NINL: variants seen among roughly 807,000 people sequenced by gnomAD.
The protein encoded by NINL is ninein-like protein.
A neutral mutation model predicts 160.3 loss-of-function variants in NINL; 153 were observed. The observed-to-expected ratio is 0.95, with a 90% CI of 0.84 to 1.09. The LOEUF is 1.09. NINL is among the 50% of genes least tolerant of loss of function. The pLI, the probability that NINL is intolerant of heterozygous loss-of-function variation, is 0.00. For synonymous variants in NINL, 800 were observed against 734.8 expected, an observed-to-expected ratio of 1.09 and a Z score of -1.43; for missense variants, 1,829 against 1,764.0, an observed-to-expected ratio of 1.04 and a Z score of -0.66.
At chr20:25,523,663 G>A (rs929903558) in intron 2 of NINL, among the ~76,000 whole-genome samples, 6 of 151,958 alleles carry the variant, frequency 3.9e-5, no homozygotes, top group African/African-American at 1.2e-4. Context: ...GTTTTTTTGA[G>A]ATGGAGTCTT....
At chr20:25,583,567 G>A (rs937084804) in intron 1 of NINL, among the ~76,000 whole-genome samples, 1 of 152,154 alleles carries the variant, frequency 6.6e-6, no homozygotes, top group South Asian at 2.1e-4. Flanking sequence ...ACAGTGTGGC[G>A]ATTCCTCAAG....
At chr20:25,466,783 G>C (rs2062924623) in intron 19 of NINL, among the ~76,000 whole-genome samples, 1 of 152,046 alleles carries the variant, frequency 6.6e-6, no homozygotes, top group Non-Finnish European at 1.5e-5. Context: ...CTGGGTGACA[G>C]AGTGATAATG....
In NINL at chr20:25,482,844, T is replaced by C. The variant is rs571248932; in HGVS notation, c.1678-744A>G. On this transcript the variant is annotated intron_variant, in intron 13 of 23. Transcript: ENST00000278886. Reference sequence around the variant, plus strand: ...TTTGAGACCAGCCTGGTCAACATGGTGAAACTCCATCTCTACTAAAAATAC... The same window carrying C: ...TTTGAGACCAGCCTGGTCAACATGGCGAAACTCCATCTCTACTAAAAATAC... Among the ~76,000 whole-genome samples, 18 of 150,248 alleles carry C rather than the reference T, an allele frequency of 1.2e-4. No individual in the cohort carries two copies. In the East Asian group the frequency reaches 3.7e-3, roughly 31 times the overall value.
chr20:25,512,958 T>C lies in NINL; in HGVS notation c.326A>G (p.Tyr109Cys). 6.2e-7 allele frequency: 1 copy of C among 1,614,054 alleles called. No individual in the cohort carries two copies. Among genetic ancestry groups the C allele is most frequent in the Non-Finnish European group, 8.5e-7 (1 of 1,179,926 alleles). Residue 109 changes from tyrosine to cysteine, a missense_variant, in exon 4 of 24, where the codon TAT becomes TGT. Physicochemically the swap from Tyr to Cys is radical, Grantham distance 194. Transcript: ENST00000278886. ...PPKYVNGSKW[Y>C]GRRSRPELCD... is the part of the protein sequence containing the mutation. ...TAGCTCAGGCCGGCTCCGACGGCCA[T>C]ACCACTTAGAACCATTCACATACTT... is the stretch of plus-strand genomic sequence containing the variant.
In NINL at chr20:25,453,157, G is replaced by A; in HGVS notation, c.*294C>T. The stretch of plus-strand genomic sequence containing the variant: ...ATAACTGCTCACTTACCTGCTCCTT[G>A]CTGACAGCTCCCAGGATCTGGCTCC... On this transcript the variant is annotated 3_prime_UTR_variant, in exon 24 of 24. Transcript: ENST00000278886. The A allele has an allele frequency of 3.4e-6, 1 of 296,750 alleles. No homozygotes were observed. The highest frequency in any genetic ancestry group is 6.2e-6 in the Non-Finnish European group (1 of 160,762). The allele number at this position is 296,750 out of a possible 1,614,324, so 18.4% of individuals were successfully genotyped here. A position where few individuals can be genotyped will look rare whatever the true frequency, so the allele number is the denominator to read the frequency against.
At position 25,476,382 on chromosome 20, in the gene NINL, C is replaced by G. The variant is rs2146511912; in HGVS notation, c.2909G>C (p.Gly970Ala). The part of the protein sequence containing the change: ...PPLRPAASCR[G>A]QAERLQAIQE... ...AATGGCCTGTAGCCTCTCAGCCTGT[C>G]CCCTGCACGAAGCGGCCGGCCTCAG... is the stretch of plus-strand genomic sequence containing the variant. The change falls in exon 17 of 24, where the codon GGA (glycine) becomes GCA (alanine). Residue 970 changes from glycine to alanine, a missense_variant. By Grantham distance (60) the Gly-to-Ala change is moderately conservative (BLOSUM62 0). Transcript: ENST00000278886. 6.2e-7 allele frequency: 1 copy of G among 1,610,390 alleles called. No individual in the cohort carries two copies. The highest frequency in any genetic ancestry group is 2.2e-5 in the East Asian group (1 of 44,672).
In NINL at chr20:25,480,193, A is replaced by G. The variant is rs945280233; in HGVS notation, c.1885T>C (p.Tyr629His). 1 of 1,613,890 alleles carries G rather than the reference A, an allele frequency of 6.2e-7. No homozygotes were observed. The highest frequency in any genetic ancestry group is 8.5e-7 in the Non-Finnish European group (1 of 1,179,992). Residue 629 changes from tyrosine to histidine, a missense_variant, in exon 15 of 24, where the codon TAC becomes CAC. Coordinates refer to ENST00000278886, the MANE Select transcript of NINL (RefSeq NM_025176.6). ...TCCAGCTGGGTCCTGAGGTCTTGGT[A>G]ATGCTCCTTTACCTGCTCCATCATC... is the stretch of plus-strand genomic sequence containing the variant. The part of the protein sequence containing the change: ...ELMMEQVKEH[Y>H]QDLRTQLETK...
intron 21 of NINL, among the ~76,000 whole-genome samples, chr20:25,459,583 G>A (rs1406459977): frequency 2.0e-5 from 3 of 152,138 alleles, no homozygotes; most frequent in Non-Finnish European, 4.4e-5. Flanking sequence ...CCAGGCCTGC[G>A]GGACTCCCAC....
intron 1 of NINL, among the ~76,000 whole-genome samples, chr20:25,554,632 A>C (rs959776597): frequency 7.3e-4 from 17 of 23,134 alleles, no homozygotes; most frequent in South Asian, 3.8e-3. Flanking sequence ...ACCAAAAAAA[A>C]AAACAAAAAA....
At chr20:25,559,010 A>G (rs1163059473) in intron 1 of NINL, among the ~76,000 whole-genome samples, 1 of 152,188 alleles carries the variant, frequency 6.6e-6, no homozygotes, top group African/African-American at 2.4e-5. Context: ...AGCGTTTCAC[A>G]TGTTCTGTAA....
intron 1 of NINL, among the ~76,000 whole-genome samples, chr20:25,565,052 A>C (rs2064985186): frequency 6.6e-6 from 1 of 152,198 alleles, no homozygotes; most frequent in African/African-American, 2.4e-5. Flanking sequence ...TAGGGGCAGG[A>C]AGTGACATAC....
intron 17 of NINL, among the ~76,000 whole-genome samples, chr20:25,472,362 T>TAC (rs2063123766): frequency 8.0e-6 from 1 of 124,898 alleles, no homozygotes; most frequent in Non-Finnish European, 1.7e-5. Context: ...TATATATATA[T>TAC]ATATACTTTT....
intron 1 of NINL, among the ~76,000 whole-genome samples, chr20:25,560,648 C>A (rs1486154788): frequency 1.3e-5 from 2 of 152,086 alleles, no homozygotes; most frequent in Admixed American, 6.6e-5. Context: ...TCTATAGCCC[C>A]CTGTACCTCT....
chr20:25,509,297 G>C (rs187058691), intron 5 of NINL, among the ~76,000 whole-genome samples: 1 of 151,970 alleles, frequency 6.6e-6, no homozygotes, highest in African/African-American at 2.4e-5. Context: ...CAGCCCAGAC[G>C]CATCAGTGAC....
intron 1 of NINL, among the ~76,000 whole-genome samples, chr20:25,579,794 G>C (rs1600377934): frequency 6.6e-6 from 1 of 152,210 alleles, no homozygotes; most frequent in East Asian, 1.9e-4. Context: ...CAATGGAGCA[G>C]CCCATCCTGA....
intron 18 of NINL, among the ~76,000 whole-genome samples, chr20:25,468,194 A>G (rs899117378): frequency 5.7e-5 from 8 of 141,176 alleles, no homozygotes; most frequent in African/African-American, 2.0e-4. Flanking sequence ...GCTTGCACTG[A>G]GGGGACACTC....
intron 1 of NINL, among the ~76,000 whole-genome samples, chr20:25,528,223 A>G (rs770514649): frequency 6.6e-6 from 1 of 152,066 alleles, no homozygotes; most frequent in Non-Finnish European, 1.5e-5. Flanking sequence ...TTACCAAGAT[A>G]GGAGTCTCAC....
intron 20 of NINL, 71 bp from the exon 21 acceptor site, chr20:25,461,706 C>T (rs2062790056): frequency 1.9e-6 from 2 of 1,073,074 alleles, no homozygotes; most frequent in South Asian, 2.7e-5. Context: ...CGTGCAAAAA[C>T]CTCAGAAAAT....
At chr20:25,522,831 A>G (rs898401277) in intron 2 of NINL, among the ~76,000 whole-genome samples, 1 of 152,164 alleles carries the variant, frequency 6.6e-6, no homozygotes, top group Non-Finnish European at 1.5e-5. Context: ...CCATATATTC[A>G]GGTATTTTAC....
Sources: allele counts gnomAD v4.1 joint callset (sites outside exome capture counted in the v4.1 genomes callset), GRCh38; gene constraint gnomAD v4.1.1; transcripts MANE v1.5; gene names NCBI Gene and HGNC (gene_info 2026-07-23, HGNC 2026-07-21).